The following SPOPL variants were observed in gnomAD, a reference collection of about 807,000 sequenced individuals.
SPOPL encodes speckle type BTB/POZ protein like.
SPOPL carries 23 observed loss-of-function variants against 53.8 expected under a neutral mutation model. That is an observed-to-expected ratio of 0.43 (90% confidence interval 0.31 to 0.61). The LOEUF (loss-of-function observed/expected upper bound fraction) is 0.61. SPOPL is among the 20% of genes least tolerant of loss of function. The probability of loss-of-function intolerance (pLI) is 0.12; values close to 1 mark genes in which losing one functional copy is unlikely to be tolerated. For missense variants in SPOPL, 442 were observed against 466.9 expected, an observed-to-expected ratio of 0.95 and a Z score of 0.49; for synonymous variants, 164 against 149.7, an observed-to-expected ratio of 1.10 and a Z score of -0.70.
Position 138,550,388 on chromosome 2 carries a change from G to A in SPOPL, c.78+94G>A, listed in dbSNP as rs1165907476. 7 of 1,578,232 alleles carry A rather than the reference G, an allele frequency of 4.4e-6. No homozygotes were observed. In the Admixed American group the frequency reaches 1.0e-4, roughly 23 times the overall value. On this transcript the variant is annotated intron_variant, in intron 2 of 10. Coordinates refer to ENST00000280098, the MANE Select transcript of SPOPL (RefSeq NM_001001664.3). The stretch of plus-strand genomic sequence containing the variant: ...GTGAAACACTTTGCCATAGTTATTA[G>A]AAGTGTTAGAAGACTGGATCGTAGG...
At chr2:138,537,698 A>T (rs1684967600) in intron 1 of SPOPL, among the ~76,000 whole-genome samples, 1 of 152,184 alleles carries the variant, frequency 6.6e-6, no homozygotes, top group Non-Finnish European at 1.5e-5. Context: ...CACAGTGCTT[A>T]TGGCTACACC....
intron 1 of SPOPL, among the ~76,000 whole-genome samples, chr2:138,533,065 G>C (rs1229134681): frequency 1.3e-5 from 2 of 152,056 alleles, no homozygotes; most frequent in Non-Finnish European, 2.9e-5. Context: ...TTTACTTACT[G>C]TTTCTACTCC....
intron 1 of SPOPL, among the ~76,000 whole-genome samples, chr2:138,540,686 A>T (rs1685051114): frequency 6.6e-6 from 1 of 152,228 alleles, no homozygotes; most frequent in Admixed American, 6.5e-5. Flanking sequence ...TGTCATCTGC[A>T]AACAGGGACA....
chr2:138,557,881 A>G (rs1400816459), intron 5 of SPOPL, among the ~76,000 whole-genome samples: 3 of 152,162 alleles, frequency 2.0e-5, no homozygotes, highest in Non-Finnish European at 4.4e-5. Flanking sequence ...GTCTGCAGCC[A>G]GGTGGTATGG....
At chr2:138,533,903 G>T (rs1413531827) in intron 1 of SPOPL, among the ~76,000 whole-genome samples, 1 of 152,108 alleles carries the variant, frequency 6.6e-6, no homozygotes. Context: ...CCTAGAAGAT[G>T]AATGAGCTGA....
intron 1 of SPOPL, among the ~76,000 whole-genome samples, chr2:138,510,815 AT>A (rs1232417761): frequency 6.6e-5 from 10 of 152,226 alleles, no homozygotes; most frequent in African/African-American, 1.7e-4. Flanking sequence ...AGACAAAAAA[AT>A]GAAATAAAAT....
At chr2:138,559,870 T>C (rs1032836409) in intron 7 of SPOPL, among the ~76,000 whole-genome samples, 1 of 152,182 alleles carries the variant, frequency 6.6e-6, no homozygotes, top group Admixed American at 6.5e-5. Flanking sequence ...TTGTGAACCG[T>C]AGGGCTCCAG....
chr2:138,539,520 ATG>A (rs1208007913), intron 1 of SPOPL, among the ~76,000 whole-genome samples: 1 of 152,108 alleles, frequency 6.6e-6, no homozygotes, highest in African/African-American at 2.4e-5. Flanking sequence ...GCATTTTTTC[ATG>A]TGTCTGTTGG....
chr2:138,562,855 TAAAA>T (rs1302000656), intron 8 of SPOPL, among the ~76,000 whole-genome samples: 1 of 130,970 alleles, frequency 7.6e-6, no homozygotes, highest in African/African-American at 2.9e-5. Flanking sequence ...AAAGAAAACA[TAAAA>T]GAAAGTGTTT....
At chr2:138,533,799 G>A (rs150079597) in intron 1 of SPOPL, among the ~76,000 whole-genome samples, 2 of 152,124 alleles carry the variant, frequency 1.3e-5, no homozygotes, top group African/African-American at 4.8e-5. Flanking sequence ...AAATATGGTA[G>A]TATTTCAAAA....
At chr2:138,563,248 C>A (rs1407585394) in intron 8 of SPOPL, among the ~76,000 whole-genome samples, 3 of 152,178 alleles carry the variant, frequency 2.0e-5, no homozygotes, top group Non-Finnish European at 4.4e-5. Context: ...GAGGCCTGGG[C>A]TGGAATATCA....
In SPOPL at chr2:138,535,013, G is replaced by C. The variant is rs937074558; in HGVS notation, c.-60-15144G>C. ...CACCTGTAATCTCAGCACTTTGGGAGGCTGAGCTGGAAGGATCTCTTGAGC... is the reference window on the plus strand; with the variant it reads ...CACCTGTAATCTCAGCACTTTGGGACGCTGAGCTGGAAGGATCTCTTGAGC... On this transcript the variant is annotated intron_variant, in intron 1 of 10. Coordinates refer to ENST00000280098, the MANE Select transcript of SPOPL (RefSeq NM_001001664.3). Among the ~76,000 whole-genome samples, 5 of 152,178 alleles carry C rather than the reference G, an allele frequency of 3.3e-5. 1 individual carries two copies. The highest frequency in any genetic ancestry group is 7.3e-5 in the Non-Finnish European group (5 of 68,038).
At chr2:138,542,183 G>C (rs959308761) in intron 1 of SPOPL, among the ~76,000 whole-genome samples, 2 of 152,112 alleles carry the variant, frequency 1.3e-5, no homozygotes, top group Non-Finnish European at 2.9e-5. Context: ...AATAAATGTG[G>C]TGTGCTGCTG....
intron 1 of SPOPL, among the ~76,000 whole-genome samples, chr2:138,506,417 G>A (rs77398896): frequency 0.021 from 3,275 of 152,334 alleles, 45 homozygotes; most frequent in Non-Finnish European, 0.033. Flanking sequence ...AATTTGAATA[G>A]CGTTGAGATT....
intron 10 of SPOPL, among the ~76,000 whole-genome samples, chr2:138,568,057 G>A (rs924157664): frequency 6.6e-6 from 1 of 152,056 alleles, no homozygotes; most frequent in Non-Finnish European, 1.5e-5. Flanking sequence ...AAAAAACTTG[G>A]ATATGGGCAG....
At chr2:138,561,446 A>G (rs1027441321) in intron 8 of SPOPL, among the ~76,000 whole-genome samples, 1 of 152,180 alleles carries the variant, frequency 6.6e-6, no homozygotes, top group African/African-American at 2.4e-5. Flanking sequence ...TCTCTAAGCC[A>G]ATGGTTTTCA....
In SPOPL at chr2:138,571,597, CACTT is replaced by C. The variant is rs796161875; in HGVS notation, c.*2519_*2522del. ...TGGGTTCTTGAGGCAATGATAAAAA[CACTT>C]AATGTATTCTGACATGAGTGCTCTA... On this transcript the variant is annotated 3_prime_UTR_variant, in exon 11 of 11. Coordinates refer to ENST00000280098, the MANE Select transcript of SPOPL (RefSeq NM_001001664.3). 11 of 152,516 alleles carry C rather than the reference CACTT, an allele frequency of 7.2e-5. No individual in the cohort carries two copies. The highest frequency in any genetic ancestry group is 2.6e-4 in the African/African-American group (11 of 41,510). 9.4% of individuals were successfully genotyped at this position (152,516 alleles called of 1,614,324 possible).
At chr2:138,511,816 T>C (rs1368634849) in intron 1 of SPOPL, among the ~76,000 whole-genome samples, 1 of 152,194 alleles carries the variant, frequency 6.6e-6, no homozygotes, top group African/African-American at 2.4e-5. Flanking sequence ...AGGTCTGCTT[T>C]ACTCCAGAGC....
chr2:138,555,941 C>T (rs1233734618), intron 5 of SPOPL, among the ~76,000 whole-genome samples: 8 of 151,596 alleles, frequency 5.3e-5, no homozygotes, highest in Admixed American at 5.3e-4. Flanking sequence ...CAGCCTTTTT[C>T]CTGAATTTTT....
Sources: allele counts gnomAD v4.1 joint callset (sites outside exome capture counted in the v4.1 genomes callset), GRCh38; gene constraint gnomAD v4.1.1; transcripts MANE v1.5; gene names NCBI Gene and HGNC (gene_info 2026-07-23, HGNC 2026-07-21).